TIMP3: variants seen among roughly 807,000 people sequenced by gnomAD.
TIMP3 encodes the protein metalloproteinase inhibitor 3.
A neutral mutation model predicts 30.0 loss-of-function variants in TIMP3; 11 were observed. That is an observed-to-expected ratio of 0.37 (90% CI 0.23 to 0.61). The LOEUF (loss-of-function observed/expected upper bound fraction) is 0.61. Ranked by LOEUF, TIMP3 falls within the 20% of genes least tolerant of loss-of-function variation. TIMP3 has a pLI of 0.70. For synonymous variants in TIMP3, 112 were observed against 111.3 expected (o/e 1.01, Z -0.04); for missense variants, 181 against 276.8 (o/e 0.65, Z 2.45).
At chr22:32,823,673 C>T (rs1372534187) in intron 1 of TIMP3, among the ~76,000 whole-genome samples, 1 of 152,154 alleles carries the variant, frequency 6.6e-6, no homozygotes, top group Non-Finnish European at 1.5e-5. Flanking sequence ...CTGGCTGAGG[C>T]AGGAAGAAGC....
At chr22:32,835,642 C>T (rs943932254) in intron 1 of TIMP3, among the ~76,000 whole-genome samples, 1 of 152,074 alleles carries the variant, frequency 6.6e-6, no homozygotes, top group African/African-American at 2.4e-5. Flanking sequence ...CCAGGGCTGC[C>T]GATCAGATGT....
chr22:32,859,703 C>CTACT lies in TIMP3; in HGVS notation c.*327_*330dup. The CTACT allele has an allele frequency of 3.0e-6, 1 of 329,560 alleles. No individual in the cohort carries two copies. Among genetic ancestry groups the CTACT allele is most frequent in the Non-Finnish European group, 5.6e-6 (1 of 178,524 alleles). The allele number at this position is 329,560 out of a possible 1,614,324, so 20.4% of individuals were successfully genotyped here. A position where few individuals can be genotyped will look rare whatever the true frequency, so the allele number is the denominator to read the frequency against. On this transcript the variant is annotated 3_prime_UTR_variant, in exon 5 of 5. Transcript: ENST00000266085. ...TTTTTAGGAAAACAAAAATGAAAAA[C>CTACT]TACTCCATTTGAGGATTGTAATTCC... is the stretch of plus-strand genomic sequence containing the variant.
At chr22:32,844,477 C>T in intron 1 of TIMP3, among the ~76,000 whole-genome samples, 1 of 152,140 alleles carries the variant, frequency 6.6e-6, no homozygotes, top group East Asian at 1.9e-4. Context: ...TAAGCTCTTA[C>T]TAGCACTCTT....
intron 1 of TIMP3, among the ~76,000 whole-genome samples, chr22:32,817,768 CAT>C (rs1233771998): frequency 2.6e-5 from 4 of 152,172 alleles, no homozygotes; most frequent in South Asian, 4.1e-4. Context: ...GATTGAAGGA[CAT>C]TGTGGTGAGT....
At chr22:32,846,503 T>G (rs542147117) in intron 1 of TIMP3, among the ~76,000 whole-genome samples, 83 of 152,326 alleles carry the variant, frequency 5.4e-4, no homozygotes, top group African/African-American at 2.0e-3. Context: ...AGGTTTGGGA[T>G]GGACTACATA....
chr22:32,811,490 T>C (rs1396577214), intron 1 of TIMP3, among the ~76,000 whole-genome samples: 2 of 152,188 alleles, frequency 1.3e-5, no homozygotes, highest in Non-Finnish European at 2.9e-5. Context: ...TAGAGAGAGC[T>C]GAGTTTCAAT....
chr22:32,856,932 T>C (rs930260260), intron 2 of TIMP3, among the ~76,000 whole-genome samples: 1 of 152,200 alleles, frequency 6.6e-6, no homozygotes, highest in African/African-American at 2.4e-5. Context: ...GTGCCTGGCT[T>C]ATTCCGCTTA....
At chr22:32,854,812 C>T (rs532752870) in intron 2 of TIMP3, among the ~76,000 whole-genome samples, 71 of 152,290 alleles carry the variant, frequency 4.7e-4, no homozygotes, top group Non-Finnish European at 7.9e-4. Context: ...AAGAGAGGTT[C>T]AGAAGGAAGA....
chr22:32,824,696 A>G (rs2047350444), intron 1 of TIMP3, among the ~76,000 whole-genome samples: 1 of 151,962 alleles, frequency 6.6e-6, no homozygotes, highest in African/African-American at 2.4e-5. Flanking sequence ...TGTTATGATG[A>G]CTCCCTTCAT....
rs1362115043 is a variant in TIMP3 at position 32,801,919 on chromosome 22, G to C, written c.-83G>C. 4 of 1,473,006 alleles carry C rather than the reference G, an allele frequency of 2.7e-6. No individual in the cohort carries two copies. The highest frequency in any genetic ancestry group is 1.5e-5 in the African/African-American group (1 of 67,944). The allele number at this position is 1,473,006 out of a possible 1,614,324, so 91.2% of individuals were successfully genotyped here. On this transcript the variant is annotated 5_prime_UTR_variant, in exon 1 of 5. Coordinates refer to ENST00000266085, the MANE Select transcript of TIMP3 (RefSeq NM_000362.5). This position sits in a 1 kb window ranked among gnomAD's most constrained non-coding sequence, Gnocchi z 4.7. The stretch of plus-strand genomic sequence containing the variant: ...CACGGCCCGGCGGGCGAGCGAGCTC[G>C]GGCTGCAGCAGCCCCGCCGGCGGCG...
chr22:32,836,326 C>T (rs1271958942), intron 1 of TIMP3, among the ~76,000 whole-genome samples: 2 of 152,172 alleles, frequency 1.3e-5, no homozygotes, highest in Non-Finnish European at 2.9e-5. Flanking sequence ...TGCACAGACA[C>T]GATGTTCATA....
chr22:32,824,707 A>G (rs130290), intron 1 of TIMP3, among the ~76,000 whole-genome samples: 138,605 of 152,220 alleles, frequency 0.91, 63,173 homozygotes, highest in Middle Eastern at 0.95. Flanking sequence ...CTCCCTTCAT[A>G]GGAAACATTT....
At chr22:32,852,464 CCA>C (rs1189203547) in intron 2 of TIMP3, among the ~76,000 whole-genome samples, 6 of 152,070 alleles carry the variant, frequency 3.9e-5, no homozygotes, top group Non-Finnish European at 8.8e-5. Flanking sequence ...GAGAGAGAGG[CCA>C]GAGAGGCAAG....
At chr22:32,836,171 A>ACACATCAACAAGTTC (rs2047724600) in intron 1 of TIMP3, among the ~76,000 whole-genome samples, 1 of 152,180 alleles carries the variant, frequency 6.6e-6, no homozygotes, top group African/African-American at 2.4e-5. Flanking sequence ...CATTTTGGGG[A>ACACATCAACAAGTTC]ATGGTTTTAA....
rs117269904 is a variant in TIMP3 at position 32,850,073 on chromosome 22, A to G, written c.204+539A>G. Among the ~76,000 whole-genome samples the G allele has an allele frequency of 2.8e-3, 423 of 149,748 alleles. 1 individual carries two copies. Among genetic ancestry groups the G allele is most frequent in the Middle Eastern group, 6.8e-3 (2 of 292 alleles). On this transcript the variant is annotated intron_variant, in intron 2 of 4. Coordinates refer to ENST00000266085, the MANE Select transcript of TIMP3 (RefSeq NM_000362.5). ...GGCAGGAACTTCACCTTCTTTCCCTATTTTCCCAGCTGATTGTCTTCTTGC... is the reference window on the plus strand; with the variant it reads ...GGCAGGAACTTCACCTTCTTTCCCTGTTTTCCCAGCTGATTGTCTTCTTGC...
chr22:32,812,153 C>T (rs191349176), intron 1 of TIMP3, among the ~76,000 whole-genome samples: 33 of 152,314 alleles, frequency 2.2e-4, no homozygotes, highest in Middle Eastern at 6.8e-3. Flanking sequence ...GTGTATTTCA[C>T]TGAATGCCTA....
Position 32,838,260 on chromosome 22 carries a change from G to T in TIMP3, c.122-11192G>T, listed in dbSNP as rs1009548347. ...TCAAGTGGACTTGAGGAGAAGGAGGGGGGGTGGCAAAATAAAACAAACAAT... is the reference window on the plus strand; with the variant it reads ...TCAAGTGGACTTGAGGAGAAGGAGGTGGGGTGGCAAAATAAAACAAACAAT... On this transcript the variant is annotated intron_variant, in intron 1 of 4. Coordinates refer to ENST00000266085, the MANE Select transcript of TIMP3 (RefSeq NM_000362.5). Among the ~76,000 whole-genome samples the T allele has an allele frequency of 3.9e-4, 59 of 152,300 alleles. 1 individual carries two copies. The highest frequency in any genetic ancestry group is 1.4e-3 in the African/African-American group (57 of 41,558).
At chr22:32,828,196 G>A (rs1227085786) in intron 1 of TIMP3, among the ~76,000 whole-genome samples, 1 of 152,234 alleles carries the variant, frequency 6.6e-6, no homozygotes, top group South Asian at 2.1e-4. Context: ...CAAGTGAAGT[G>A]TCTTGCCCTG....
rs189218585 is a variant in TIMP3 at position 32,844,217 on chromosome 22, C to T, written c.122-5235C>T. ...ACAATGGTTGGATGGGGGATAGAAG[C>T]AGAGAGAGAGAGGGAGGGCAGCTCA... On this transcript the variant is annotated intron_variant, in intron 1 of 4. Coordinates refer to ENST00000266085, the MANE Select transcript of TIMP3 (RefSeq NM_000362.5). Among the ~76,000 whole-genome samples, 3 of 151,822 alleles carry T rather than the reference C, an allele frequency of 2.0e-5. No homozygotes were observed. The East Asian group carries it at 5.8e-4, about 29-fold the overall frequency.
Sources: allele counts gnomAD v4.1 joint callset (sites outside exome capture counted in the v4.1 genomes callset), GRCh38; gene constraint gnomAD v4.1.1; non-coding constraint Gnocchi (gnomAD v3.1); transcripts MANE v1.5; gene names NCBI Gene and HGNC (gene_info 2026-07-23, HGNC 2026-07-21).